The following PTPRZ1 variants were observed in gnomAD, a reference collection of about 807,000 sequenced individuals.
PTPRZ1 encodes protein tyrosine phosphatase receptor type Z1.
A neutral mutation model predicts 214.1 loss-of-function variants in PTPRZ1; 82 were observed. That is an observed-to-expected ratio of 0.38 (90% CI 0.32 to 0.46). PTPRZ1 has a LOEUF of 0.46. Among genes scored for constraint, PTPRZ1 ranks in the 20% least tolerant of loss-of-function variants. PTPRZ1 has a pLI of 1.00. For missense variants in PTPRZ1, 2,603 were observed against 2,748.7 expected (o/e 0.95, Z 1.19); for synonymous variants, 945 against 987.9 (o/e 0.96, Z 0.81).
intron 21 of PTPRZ1, among the ~76,000 whole-genome samples, chr7:122,041,297 A>T (rs930919041): frequency 6.6e-6 from 1 of 152,116 alleles, no homozygotes; most frequent in Non-Finnish European, 1.5e-5. Flanking sequence ...TTACCTCAAC[A>T]TATAATACCA....
intron 1 of PTPRZ1, chr7:121,908,853 A>AT: frequency 6.2e-6 from 3 of 483,288 alleles, no homozygotes; most frequent in Non-Finnish European, 1.2e-5. Flanking sequence ...AGTTTTGTAT[A>AT]TGGAAATATA....
chr7:121,933,503 C>T (rs1239297191), intron 2 of PTPRZ1, among the ~76,000 whole-genome samples: 1 of 150,762 alleles, frequency 6.6e-6, no homozygotes, highest in Non-Finnish European at 1.5e-5. Flanking sequence ...AGAATGCATT[C>T]GATTCAAATA....
At chr7:121,961,263 A>G (rs1248749838) in intron 2 of PTPRZ1, among the ~76,000 whole-genome samples, 2 of 152,114 alleles carry the variant, frequency 1.3e-5, no homozygotes, top group Admixed American at 1.3e-4. Flanking sequence ...ATGGATCATA[A>G]TCTGCCTTTC....
At chr7:122,051,787 A>C in intron 24 of PTPRZ1, 79 bp from the exon 25 acceptor site, 1 of 1,298,210 alleles carries the variant, frequency 7.7e-7, no homozygotes, top group South Asian at 1.3e-5. Flanking sequence ...TGGGGAAAAG[A>C]TGGTACAGTG....
chr7:121,884,119 A>G (rs889682783), intron 1 of PTPRZ1, among the ~76,000 whole-genome samples: 19 of 152,106 alleles, frequency 1.2e-4, no homozygotes, highest in African/African-American at 3.9e-4. Flanking sequence ...TGTGCTATAT[A>G]TGAGTTGAAT....
chr7:121,975,502 T>C (rs1797401792), intron 4 of PTPRZ1, among the ~76,000 whole-genome samples: 1 of 152,172 alleles, frequency 6.6e-6, no homozygotes, highest in East Asian at 1.9e-4. Context: ...CTATCCTCTG[T>C]TGCACACCCT....
At position 122,061,832 on chromosome 7, in the gene PTPRZ1, G is replaced by T. The variant is rs1735824322; in HGVS notation, c.*612G>T. ...TTTAGTTTAATGACGTAGTTCATTA[G>T]CTGGTCTTACTCTACCAGTTTTCTG... On this transcript the variant is annotated 3_prime_UTR_variant, in exon 30 of 30. Coordinates refer to ENST00000393386, the MANE Select transcript of PTPRZ1 (RefSeq NM_002851.3). The T allele has an allele frequency of 6.6e-6, 1 of 152,510 alleles. No individual in the cohort carries two copies. The highest frequency in any genetic ancestry group is 2.1e-4 in the South Asian group (1 of 4,822). The allele number at this position is 152,510 out of a possible 1,614,324, so 9.4% of individuals were successfully genotyped here. A position where few individuals can be genotyped will look rare whatever the true frequency, so the allele number is the denominator to read the frequency against.
rs1792182769 is a variant in PTPRZ1 at position 122,051,464 on chromosome 7, T to C, written c.6121T>C (p.Ser2041Pro). Reference sequence around the variant, plus strand: ...GTCAAATATACAGCAGAGTGACTATTCTGCAGCCCTAAAGCAATGCAACAG... The same window carrying C: ...GTCAAATATACAGCAGAGTGACTATCCTGCAGCCCTAAAGCAATGCAACAG... Reference protein sequence around the residue: ...SQSNIQQSDYSAALKQCNREK... With the variant: ...SQSNIQQSDYPAALKQCNREK... The change falls in exon 24 of 30, where the codon TCT (serine) becomes CCT (proline). Residue 2041 changes from serine (S) to proline (P), a missense_variant. Physicochemically the swap from Ser to Pro is moderately conservative, Grantham distance 74 (BLOSUM62 -1). Transcript: ENST00000393386. 6.2e-7 allele frequency: 1 copy of C among 1,613,700 alleles called. No individual in the cohort carries two copies. The highest frequency in any genetic ancestry group is 1.3e-5 in the African/African-American group (1 of 74,898).
chr7:122,011,485 C>A lies in PTPRZ1; in HGVS notation c.2439C>A (p.Ser813=), dbSNP rs370841020. The stretch of plus-strand genomic sequence containing the variant: ...TGTCATTTGAATCCATCCTGTCTTC[C>A]TATGATGGTGCACCTTTGCTTCCAT... The part of the protein sequence containing the change: ...VDVSFESILS[S]YDGAPLLPFS... Residue 813 remains serine, a synonymous_variant, in exon 12 of 30, where the codon TCC becomes TCA. Transcript: ENST00000393386. 1.2e-4 allele frequency: 193 copies of A among 1,613,882 alleles called. No individual in the cohort carries two copies. The highest frequency in any genetic ancestry group is 1.8e-4 in the Admixed American group (11 of 60,016).
rs1243736775 is a variant in PTPRZ1 at position 121,935,188 on chromosome 7, C to T, written c.124+6967C>T. Among the ~76,000 whole-genome samples the T allele has an allele frequency of 2.0e-5, 3 of 152,288 alleles. No homozygotes were observed. In the East Asian group the frequency reaches 5.8e-4, roughly 29 times the overall value. On this transcript the variant is annotated intron_variant, in intron 2 of 29. Transcript: ENST00000393386. ...ACTTAAAAAAATTAAGATGTGGCTACAGAATAGCATCGCAATTAGATAATC... is the reference window on the plus strand; with the variant it reads ...ACTTAAAAAAATTAAGATGTGGCTATAGAATAGCATCGCAATTAGATAATC...
chr7:121,942,390 G>C (rs1434151046), intron 2 of PTPRZ1, among the ~76,000 whole-genome samples: 1 of 152,168 alleles, frequency 6.6e-6, no homozygotes, highest in African/African-American at 2.4e-5. Flanking sequence ...CTTTTTAGCA[G>C]AATAATTACA....
intron 1 of PTPRZ1, 91 bp downstream of exon 1, chr7:121,873,648 G>A: frequency 2.7e-6 from 4 of 1,466,920 alleles, no homozygotes; most frequent in South Asian, 2.3e-5. Context: ...TGCCGCCGCC[G>A]CCGCCATCTA....
At chr7:121,955,068 A>G (rs555143222) in intron 2 of PTPRZ1, among the ~76,000 whole-genome samples, 5 of 152,364 alleles carry the variant, frequency 3.3e-5, no homozygotes, top group African/African-American at 1.2e-4. Context: ...GGTTTAGCAG[A>G]GGTCCTACCA....
intron 1 of PTPRZ1, among the ~76,000 whole-genome samples, chr7:121,886,522 A>G (rs1244800225): frequency 6.6e-6 from 1 of 151,884 alleles, no homozygotes; most frequent in Non-Finnish European, 1.5e-5. Context: ...AAACCCATCT[A>G]CTATCAGAGT....
intron 2 of PTPRZ1, among the ~76,000 whole-genome samples, chr7:121,966,683 C>T (rs972682437): frequency 1.1e-4 from 17 of 152,138 alleles, no homozygotes; most frequent in South Asian, 4.1e-4. Context: ...ACTGTATAGA[C>T]GGCTTCATGG....
chr7:122,017,857 C>G (rs1323823652), intron 12 of PTPRZ1, among the ~76,000 whole-genome samples: 3 of 152,070 alleles, frequency 2.0e-5, no homozygotes, highest in Admixed American at 6.6e-5. Flanking sequence ...CAGGCATGAG[C>G]CACCACGCCC....
chr7:121,936,278 AC>A (rs1475659645), intron 2 of PTPRZ1, among the ~76,000 whole-genome samples: 1 of 152,216 alleles, frequency 6.6e-6, no homozygotes, highest in African/African-American at 2.4e-5. Context: ...TATTTTAATG[AC>A]TGAGGCACAG....
At chr7:121,891,236 C>G (rs557084698) in intron 1 of PTPRZ1, among the ~76,000 whole-genome samples, 1 of 152,104 alleles carries the variant, frequency 6.6e-6, no homozygotes, top group Non-Finnish European at 1.5e-5. Context: ...GCAACCACCT[C>G]TCTTCTCAAA....
chr7:121,985,460 G>A (rs1307266442), intron 8 of PTPRZ1, among the ~76,000 whole-genome samples: 1 of 152,188 alleles, frequency 6.6e-6, no homozygotes, highest in African/African-American at 2.4e-5. Flanking sequence ...CAGGCTCTGT[G>A]TAGGTTTACT....
Sources: gnomAD v4.1 joint callset for allele counts (sites outside exome capture counted in the v4.1 genomes callset) on GRCh38, gnomAD v4.1.1 for gene constraint, MANE v1.5 for transcripts, NCBI Gene and HGNC (gene_info 2026-07-23, HGNC 2026-07-21) for gene names.